Variants in MUC22 observed in about 807,000 individuals in gnomAD.
MUC22 encodes mucin 22, also known as mucin-22.
Under a neutral mutation model 40.3 loss-of-function variants are expected in MUC22, and 24 were observed. The observed-to-expected ratio is 0.60, with a 90% confidence interval of 0.43 to 0.84. The LOEUF is 0.84. Among genes scored for constraint, MUC22 ranks in the 40% least tolerant of loss-of-function variants. The pLI, the probability that MUC22 is intolerant of heterozygous loss-of-function variation, is 0.00. For missense variants in MUC22, 1,926 were observed against 2,130.7 expected, an observed-to-expected ratio of 0.90 and a Z score of 1.89; for synonymous variants, 765 against 844.5, an observed-to-expected ratio of 0.91 and a Z score of 1.63.
chr6:31,023,788 A>G (rs1389935957), intron 1 of MUC22, among the ~76,000 whole-genome samples: 2 of 152,214 alleles, frequency 1.3e-5, no homozygotes, highest in Non-Finnish European at 2.9e-5. Context: ...TTTAGAAAAA[A>G]ATTGAGTGAC....
At chr6:31,018,246 T>TG (rs931094393) in intron 1 of MUC22, among the ~76,000 whole-genome samples, 7 of 152,164 alleles carry the variant, frequency 4.6e-5, no homozygotes, top group Non-Finnish European at 1.0e-4. Context: ...GGAAGAGAGG[T>TG]GTATTCATCC....
chr6:31,027,502 G>A, exon 2 of MUC22: 1 of 1,530,426 alleles, frequency 6.5e-7, no homozygotes, highest in Non-Finnish European at 8.7e-7. Flanking sequence ...AGCCTCTACT[G>A]AAGGCTCTGA....
Position 31,022,267 on chromosome 6 carries a change from C to T in MUC22, c.71-3235C>T, listed in dbSNP as rs546928041. Among the ~76,000 whole-genome samples the T allele has an allele frequency of 9.8e-5, 15 of 152,286 alleles. 1 individual carries two copies. In the South Asian group the frequency reaches 3.1e-3, roughly 32 times the overall value. On this transcript the variant is annotated intron_variant, in intron 1 of 3. Coordinates refer to ENST00000561890, the Ensembl canonical transcript of MUC22. ...AGACACACTGGGTTCAAGCGATTTT[C>T]CTGCCTCAGCTTCTCGAGTAGCTGG...
At chr6:31,034,985 G>A in exon 4 of MUC22, 1 of 1,512,274 alleles carries the variant, frequency 6.6e-7, no homozygotes, top group Non-Finnish European at 8.8e-7. Context: ...GGAGGCCACG[G>A]CAGGACAAGA....
chr6:31,034,773 A>G (rs1766326825), exon 4 of MUC22: 1 of 1,535,636 alleles, frequency 6.5e-7, no homozygotes, highest in Non-Finnish European at 8.7e-7. Flanking sequence ...GCTCTGGGAC[A>G]TTCCACAGCC....
At chr6:31,031,925 C>T (rs1421076567) in intron 2 of MUC22, among the ~76,000 whole-genome samples, 1 of 152,154 alleles carries the variant, frequency 6.6e-6, no homozygotes, top group Non-Finnish European at 1.5e-5. Context: ...CTGAACCCAT[C>T]GCGATAACGT....
intron 1 of MUC22, among the ~76,000 whole-genome samples, chr6:31,014,979 G>A (rs1341879390): frequency 6.6e-6 from 1 of 152,096 alleles, no homozygotes; most frequent in Non-Finnish European, 1.5e-5. Context: ...CAGGAGTGAA[G>A]GAAAGATTTA....
Position 31,026,564 on chromosome 6 carries a change from C to A in MUC22, c.1133C>A (p.Thr378Lys), listed in dbSNP as rs528393416. ...TCTGCCATGGGCTCAGAGACCACCA[C>A]AAACTCTACTACAAGCTCTGAGACC... Residue 378 changes from threonine (T) to lysine (K), a missense_variant, in exon 2 of 4, where the codon ACA (threonine) becomes AAA (lysine). Around this residue, in one of 3 missense-constraint regions of MUC22, gnomAD observed 1,281 missense variants for 1,337.8 expected, o/e 0.96. Transcript: ENST00000561890. 4.6e-5 allele frequency: 69 copies of A among 1,501,832 alleles called. 7 individuals are homozygous for A. The highest frequency in any genetic ancestry group is 2.5e-5 in the East Asian group (1 of 40,470). 93.0% of individuals were successfully genotyped at this position (1,501,832 alleles called of 1,614,324 possible).
chr6:31,035,032 T>A (rs565040184), exon 4 of MUC22: 1 of 1,306,084 alleles, frequency 7.7e-7, no homozygotes, highest in African/African-American at 1.5e-5. Context: ...AAACATATTA[T>A]GGGTGGGAGG....
At chr6:31,010,214 G>T (rs934558665), upstream of MUC22, among the ~76,000 whole-genome samples, 1 of 152,148 alleles carries the variant, frequency 6.6e-6, no homozygotes, top group South Asian at 2.1e-4. Flanking sequence ...GGTCAGCTCT[G>T]GTTCAAAGGG....
exon 2 of MUC22, chr6:31,028,566 C>T (rs1031195097): frequency 6.5e-7 from 1 of 1,533,954 alleles, no homozygotes; most frequent in East Asian, 2.5e-5. Context: ...CTGAGACCAC[C>T]AAGGTCTCCA....
chr6:31,022,182 C>T (rs1022844264), intron 1 of MUC22, among the ~76,000 whole-genome samples: 2 of 152,218 alleles, frequency 1.3e-5, no homozygotes, highest in Non-Finnish European at 2.9e-5. Context: ...CTGTAACACT[C>T]ACTGTGAGGG....
chr6:31,021,217 T>G (rs1376875638), intron 1 of MUC22, among the ~76,000 whole-genome samples: 1 of 152,228 alleles, frequency 6.6e-6, no homozygotes, highest in Non-Finnish European at 1.5e-5. Context: ...AGTCTTTATG[T>G]CTAGCTTAGG....
At chr6:31,029,050 A>T in exon 2 of MUC22, 1 of 1,534,856 alleles carries the variant, frequency 6.5e-7, no homozygotes, top group Non-Finnish European at 8.7e-7. Flanking sequence ...TGAGACCATC[A>T]CAGTCTCTGC....
chr6:31,022,888 G>C (rs1764982575), intron 1 of MUC22, among the ~76,000 whole-genome samples: 1 of 152,190 alleles, frequency 6.6e-6, no homozygotes, highest in South Asian at 2.1e-4. Flanking sequence ...CTAGCCCTTT[G>C]GGAGGCTGAG....
exon 2 of MUC22, chr6:31,027,686 G>A (rs1562609326): frequency 6.5e-7 from 1 of 1,530,656 alleles, no homozygotes; most frequent in Non-Finnish European, 8.7e-7. Flanking sequence ...TTTACCATAG[G>A]CTCTGACACC....
Position 31,026,894 on chromosome 6 carries a change from AAGTCTCAACTGCAGGCTCTGAGACCAC to A in MUC22, c.1470_1496del (p.Val498_Thr506del), listed in dbSNP as rs1765428005. 20 of 1,424,776 alleles carry A rather than the reference AAGTCTCAACTGCAGGCTCTGAGACCAC, an allele frequency of 1.4e-5. 2 individuals are homozygous for A. Among genetic ancestry groups the A allele is most frequent in the Admixed American group, 4.7e-5 (2 of 42,152 alleles). 88.3% of individuals were successfully genotyped at this position (1,424,776 alleles called of 1,614,324 possible). A position where few individuals can be genotyped will look rare whatever the true frequency, so the allele number is the denominator to read the frequency against. On this transcript the variant is annotated inframe_deletion, in exon 2 of 4. Coordinates refer to ENST00000561890, the Ensembl canonical transcript of MUC22. ...TCCACCATGGGCTCTGAGACCACCA[AAGTCTCAACTGCAGGCTCTGAGACCAC>A]AGTCTCCACTGCAGGCTCTGAGACC...
rs1452146385 is a variant in MUC22 at position 31,032,653 on chromosome 6, G to A, written c.5055+72G>A. On this transcript the variant is annotated intron_variant, in intron 3 of 3. Transcript: ENST00000561890. The surrounding 1 kb of genome is among the most constrained non-coding windows in gnomAD (Gnocchi z 4.1). ...GGGGGAATCATGTCAGCAGTGCTTT[G>A]GAAAAATCCAGAATGAGAAAGGGGA... The A allele has an allele frequency of 6.9e-7, 1 of 1,446,246 alleles. No homozygotes were observed. The highest frequency in any genetic ancestry group is 9.1e-7 in the Non-Finnish European group (1 of 1,095,168). 89.6% of individuals were successfully genotyped at this position (1,446,246 alleles called of 1,614,324 possible).
Position 31,027,913 on chromosome 6 carries a change from GA to G in MUC22, c.2483del (p.Asp828AlafsTer213). 6.5e-7 allele frequency: 1 copy of G among 1,534,984 alleles called. No individual in the cohort carries two copies. Among genetic ancestry groups the G allele is most frequent in the Non-Finnish European group, 8.7e-7 (1 of 1,146,694 alleles). On this transcript the variant is annotated frameshift_variant, in exon 2 of 4. Coordinates refer to ENST00000561890, the Ensembl canonical transcript of MUC22. LOFTEE classifies it high-confidence loss of function. ...CACCACAGGTGCTGAGACCACCACA[GA>G]CTCTACTGAAGGCTCTGGGACCACT... is the stretch of plus-strand genomic sequence containing the variant.
Sources: allele counts gnomAD v4.1 joint callset (sites outside exome capture counted in the v4.1 genomes callset), GRCh38; gene constraint gnomAD v4.1.1; regional missense constraint gnomAD v4.1.1; non-coding constraint Gnocchi (gnomAD v3.1); transcripts MANE v1.5; gene names NCBI Gene and HGNC (gene_info 2026-07-23, HGNC 2026-07-21).